Variants in CNOT6L observed in about 807,000 individuals in gnomAD.
CNOT6L encodes CCR4-NOT transcription complex subunit 6 like.
CNOT6L carries 7 observed loss-of-function variants against 64.0 expected under a neutral mutation model. That is an observed-to-expected ratio of 0.11 (90% CI 0.06 to 0.21). CNOT6L has a LOEUF of 0.21. CNOT6L is among the 10% of genes least tolerant of loss of function. The pLI, the probability that CNOT6L is intolerant of heterozygous loss-of-function variation, is 1.00. For synonymous variants in CNOT6L, 193 were observed against 243.4 expected, an observed-to-expected ratio of 0.79 and a Z score of 1.93; for missense variants, 245 against 669.0, an observed-to-expected ratio of 0.37 and a Z score of 6.99.
At chr4:77,738,824 T>C (rs1723263802) in intron 8 of CNOT6L, among the ~76,000 whole-genome samples, 1 of 151,588 alleles carries the variant, frequency 6.6e-6, no homozygotes, top group South Asian at 2.1e-4. Context: ...AAGAAACATA[T>C]GCATATGTAT....
chr4:77,795,689 G>A (rs780824374), intron 1 of CNOT6L, among the ~76,000 whole-genome samples: 1 of 152,128 alleles, frequency 6.6e-6, no homozygotes, highest in Non-Finnish European at 1.5e-5. Flanking sequence ...GCAGAAGTCT[G>A]TACGGGGCCC....
At chr4:77,772,309 C>T (rs1251681849) in intron 4 of CNOT6L, among the ~76,000 whole-genome samples, 1 of 151,944 alleles carries the variant, frequency 6.6e-6, no homozygotes, top group Admixed American at 6.6e-5. Context: ...CTCGGCTCCC[C>T]GCAACCTCTG....
At position 77,714,163 on chromosome 4, in the gene CNOT6L, TTAGA is replaced by T. The variant is rs1249043302; in HGVS notation, c.*6264_*6267del. The T allele has an allele frequency of 5.9e-5, 9 of 152,484 alleles. No individual in the cohort carries two copies. Among genetic ancestry groups the T allele is most frequent in the African/African-American group, 1.9e-4 (8 of 41,404 alleles). 9.4% of individuals were successfully genotyped at this position (152,484 alleles called of 1,614,324 possible). ...GTGCTTTGCTTTGCAACCATTAGAATTAGATAGTTACAAAAACACTTTATAGGTC... is the reference window on the plus strand; with the variant it reads ...GTGCTTTGCTTTGCAACCATTAGAATTAGTTACAAAAACACTTTATAGGTC... On this transcript the variant is annotated 3_prime_UTR_variant, in exon 12 of 12. Coordinates refer to ENST00000504123, the MANE Select transcript of CNOT6L (RefSeq NM_144571.3).
intron 8 of CNOT6L, among the ~76,000 whole-genome samples, chr4:77,740,054 A>G (rs1266318958): frequency 1.3e-5 from 2 of 151,892 alleles, no homozygotes; most frequent in Non-Finnish European, 2.9e-5. Context: ...TGGTGTTTCA[A>G]GGGGATTTGT....
intron 4 of CNOT6L, among the ~76,000 whole-genome samples, chr4:77,769,586 A>G (rs924836502): frequency 3.9e-5 from 6 of 152,166 alleles, no homozygotes; most frequent in Non-Finnish European, 4.4e-5. Flanking sequence ...CAACACAAAA[A>G]TAAGTATTTT....
chr4:77,721,404 A>G (rs1470692592), intron 11 of CNOT6L, among the ~76,000 whole-genome samples: 1 of 152,166 alleles, frequency 6.6e-6, no homozygotes. Flanking sequence ...GCAAGACAGC[A>G]AAATCAAATT....
At chr4:77,812,437 CA>C (rs373562459) in intron 1 of CNOT6L, among the ~76,000 whole-genome samples, 16 of 126,514 alleles carry the variant, frequency 1.3e-4, no homozygotes, top group Non-Finnish European at 8.4e-5. Flanking sequence ...GACTCCATCT[CA>C]AAAAAAAAAG....
At chr4:77,792,369 A>G (rs536505902) in intron 1 of CNOT6L, among the ~76,000 whole-genome samples, 5 of 152,286 alleles carry the variant, frequency 3.3e-5, no homozygotes, top group African/African-American at 1.2e-4. Flanking sequence ...TTATTGACCA[A>G]TCCCAGTGGC....
rs1054106254 is a variant in CNOT6L, at chr4:77,753,976, T to A, written c.490+2886A>T. Reference sequence around the variant, plus strand: ...TCCTTCATCTGATGAAGTTTATCTATACAAAAACTACAGTGAATATGATAC... The same window carrying A: ...TCCTTCATCTGATGAAGTTTATCTAAACAAAAACTACAGTGAATATGATAC... On this transcript the variant is annotated intron_variant, in intron 5 of 11. Coordinates refer to ENST00000504123, the MANE Select transcript of CNOT6L (RefSeq NM_144571.3). Among the ~76,000 whole-genome samples, 5 of 150,832 alleles carry A rather than the reference T, an allele frequency of 3.3e-5. 1 individual carries two copies. In the East Asian group the frequency reaches 9.7e-4, roughly 29 times the overall value.
chr4:77,727,305 A>G (rs1309166143), intron 10 of CNOT6L, among the ~76,000 whole-genome samples: 1 of 152,084 alleles, frequency 6.6e-6, no homozygotes, highest in Non-Finnish European at 1.5e-5. Context: ...CACACCTGTA[A>G]AACTCCCAAC....
intron 8 of CNOT6L, among the ~76,000 whole-genome samples, chr4:77,734,372 C>A (rs187704690): frequency 6.6e-6 from 1 of 152,074 alleles, no homozygotes; most frequent in African/African-American, 2.4e-5. Flanking sequence ...CATATTTTTA[C>A]GCATTTAGAA....
Position 77,716,111 on chromosome 4 carries a change from A to G in CNOT6L, c.*4320T>C, listed in dbSNP as rs2866690. 0.78 allele frequency: 118,961 copies of G among 151,964 alleles called. 47,395 individuals carry two copies. The highest frequency in any genetic ancestry group is 0.85 in the Non-Finnish European group (58,004 of 67,942). The allele number at this position is 151,964 out of a possible 1,614,324, so 9.4% of individuals were successfully genotyped here. A position where few individuals can be genotyped will look rare whatever the true frequency, so the allele number is the denominator to read the frequency against. On this transcript the variant is annotated 3_prime_UTR_variant, in exon 12 of 12. Transcript: ENST00000504123. ...AAATGAATCTACTACACATTAGAAA[A>G]GTGACCTTTTTTAAAGGGTAGGGCA... is the stretch of plus-strand genomic sequence containing the variant.
Position 77,754,888 on chromosome 4 carries a change from T to TAAAAAAAAAAAAAA in CNOT6L, c.490+1960_490+1973dup. Among the ~76,000 whole-genome samples the TAAAAAAAAAAAAAA allele has an allele frequency of 8.2e-3, 301 of 36,904 alleles. 61 individuals are homozygous for TAAAAAAAAAAAAAA. Among genetic ancestry groups the TAAAAAAAAAAAAAA allele is most frequent in the East Asian group, 0.011 (14 of 1,314 alleles). 24.2% of individuals were successfully genotyped at this position (36,904 alleles called of 152,430 possible). A position where few individuals can be genotyped will look rare whatever the true frequency, so the allele number is the denominator to read the frequency against. ...AAAACCTAATTCTAAACATTAGAAG[T>TAAAAAAAAAAAAAA]AAAAAAAAAAAAAAAAAAAAAAAAA... On this transcript the variant is annotated intron_variant, in intron 5 of 11. Transcript: ENST00000504123.
intron 10 of CNOT6L, among the ~76,000 whole-genome samples, chr4:77,727,544 A>G (rs1721994566): frequency 7.1e-6 from 1 of 140,072 alleles, no homozygotes; most frequent in Non-Finnish European, 1.5e-5. Context: ...CCTTGGCAAC[A>G]AGAGCACAAC....
At chr4:77,815,392 T>C (rs893902831) in intron 1 of CNOT6L, among the ~76,000 whole-genome samples, 1 of 152,172 alleles carries the variant, frequency 6.6e-6, no homozygotes, top group Non-Finnish European at 1.5e-5. Context: ...AACTCACTTG[T>C]CATTTAAGCC....
At chr4:77,810,602 C>T (rs1732816416) in intron 1 of CNOT6L, among the ~76,000 whole-genome samples, 2 of 152,082 alleles carry the variant, frequency 1.3e-5, no homozygotes, top group Admixed American at 1.3e-4. Context: ...TCAAGGTAAT[C>T]AGCATATCCA....
At chr4:77,804,071 A>AAGTATG (rs1276275428) in intron 1 of CNOT6L, among the ~76,000 whole-genome samples, 20 of 152,278 alleles carry the variant, frequency 1.3e-4, no homozygotes, top group African/African-American at 4.6e-4. Context: ...TCACAAAACC[A>AAGTATG]TATACATGAA....
chr4:77,755,226 T>G (rs1421111293), intron 5 of CNOT6L, among the ~76,000 whole-genome samples: 3 of 1,698 alleles, frequency 1.8e-3, no homozygotes, highest in African/African-American at 3.2e-3. Flanking sequence ...GACAAGAGTT[T>G]TTTTTTTTTT....
chr4:77,726,577 T>G (rs1006208510), intron 10 of CNOT6L, among the ~76,000 whole-genome samples: 1 of 152,212 alleles, frequency 6.6e-6, no homozygotes, highest in Middle Eastern at 3.2e-3. Flanking sequence ...CAAAGGATGT[T>G]TGCCTATTTC....
Sources: allele counts gnomAD v4.1 joint callset (sites outside exome capture counted in the v4.1 genomes callset), GRCh38; gene constraint gnomAD v4.1.1; transcripts MANE v1.5; gene names NCBI Gene and HGNC (gene_info 2026-07-23, HGNC 2026-07-21).